The following DCC variants were observed in gnomAD, a reference collection of about 807,000 sequenced individuals.
The protein encoded by DCC is netrin receptor DCC.
A neutral mutation model predicts 172.5 loss-of-function variants in DCC; 58 were observed. That is an observed-to-expected ratio of 0.34 (90% CI 0.27 to 0.42). The LOEUF (loss-of-function observed/expected upper bound fraction) is 0.42. Among genes scored for constraint, DCC ranks in the 10% least tolerant of loss-of-function variants. The probability of loss-of-function intolerance (pLI) is 1.00; values close to 1 mark genes in which losing one functional copy is unlikely to be tolerated. For synonymous variants in DCC, 709 were observed against 644.5 expected (o/e 1.10, Z -1.52); for missense variants, 1,740 against 1,791.0 (o/e 0.97, Z 0.51).
At chr18:53,505,162 ATAGCAAAAG>A (rs2046156125) in intron 27 of DCC, 1 of 152,170 alleles carries the variant, frequency 6.6e-6, no homozygotes. Flanking sequence ...AGGAGATGTT[ATAGCAAAAG>A]TAGCAACTAG....
intron 2 of DCC, among the ~76,000 whole-genome samples, chr18:52,839,934 C>G (rs1382389570): frequency 6.6e-6 from 1 of 152,222 alleles, no homozygotes; most frequent in Non-Finnish European, 1.5e-5. Context: ...AAACATAGTT[C>G]ACTTCTTCCC....
intron 15 of DCC, among the ~76,000 whole-genome samples, chr18:53,368,193 A>T (rs896511309): frequency 2.0e-5 from 3 of 152,036 alleles, no homozygotes; most frequent in Non-Finnish European, 4.4e-5. Flanking sequence ...ATAATTAGGG[A>T]TGTTGAACTC....
chr18:52,399,266 T>C lies in DCC; in HGVS notation c.91+58388T>C, dbSNP rs543049664. On this transcript the variant is annotated intron_variant, in intron 1 of 28. Transcript: ENST00000442544. ...AAAAGTTGAGTATCAGGGACAGCTT[T>C]ACTGATGACAATCTAACTTCCTCCT... Among the ~76,000 whole-genome samples, 25 of 152,084 alleles carry C rather than the reference T, an allele frequency of 1.6e-4. No homozygotes were observed. The South Asian group carries it at 2.7e-3, about 16-fold the overall frequency.
At chr18:53,027,607 A>G (rs531519427) in intron 5 of DCC, among the ~76,000 whole-genome samples, 2 of 152,250 alleles carry the variant, frequency 1.3e-5, no homozygotes, top group Admixed American at 1.3e-4. Flanking sequence ...ACATTTCGGT[A>G]TGTCCATACT....
At chr18:53,002,846 C>T (rs1290476269) in intron 5 of DCC, among the ~76,000 whole-genome samples, 1 of 152,046 alleles carries the variant, frequency 6.6e-6, no homozygotes, top group African/African-American at 2.4e-5. Flanking sequence ...TATTCATAGG[C>T]AAGGCTGAAT....
At chr18:53,110,114 G>A (rs1568310488) in intron 7 of DCC, among the ~76,000 whole-genome samples, 1 of 151,546 alleles carries the variant, frequency 6.6e-6, no homozygotes, top group Non-Finnish European at 1.5e-5. Context: ...TACTTATGCA[G>A]AAGAGATGTC....
intron 1 of DCC, among the ~76,000 whole-genome samples, chr18:52,422,242 G>T (rs1017158067): frequency 2.0e-5 from 3 of 152,166 alleles, no homozygotes; most frequent in Admixed American, 6.5e-5. Flanking sequence ...CTAAGTGATT[G>T]ATTGGCAAAT....
chr18:52,936,512 A>G (rs1238755846), intron 5 of DCC, among the ~76,000 whole-genome samples: 1 of 121,944 alleles, frequency 8.2e-6, no homozygotes, highest in Non-Finnish European at 1.9e-5. Context: ...TATATTATTG[A>G]GATGATGATG....
intron 1 of DCC, among the ~76,000 whole-genome samples, chr18:52,711,148 C>T (rs1457065424): frequency 6.6e-6 from 1 of 152,154 alleles, no homozygotes; most frequent in Non-Finnish European, 1.5e-5. Flanking sequence ...TATTATCCTA[C>T]AGACCTATTT....
intron 5 of DCC, among the ~76,000 whole-genome samples, chr18:52,993,901 G>T (rs575708224): frequency 5.9e-4 from 90 of 151,960 alleles, no homozygotes; most frequent in African/African-American, 2.1e-3. Context: ...TAAGTAAGGA[G>T]TTTTCTTAGA....
At chr18:53,256,271 G>C (rs975718879) in intron 12 of DCC, among the ~76,000 whole-genome samples, 1 of 152,178 alleles carries the variant, frequency 6.6e-6, no homozygotes, top group Non-Finnish European at 1.5e-5. Flanking sequence ...TGGTGTTTTA[G>C]ACATGAAGTC....
intron 1 of DCC, among the ~76,000 whole-genome samples, chr18:52,448,946 AT>A (rs1395113855): frequency 1.3e-5 from 2 of 152,242 alleles, no homozygotes; most frequent in African/African-American, 4.8e-5. Flanking sequence ...TAGAGCTTTT[AT>A]TAGTTCATTC....
chr18:53,025,214 G>C (rs571289836), intron 5 of DCC, among the ~76,000 whole-genome samples: 1 of 152,212 alleles, frequency 6.6e-6, no homozygotes, highest in South Asian at 2.1e-4. Flanking sequence ...GTGAAAAATA[G>C]CTATTTAAAA....
In DCC at chr18:53,338,571, A is replaced by T. The variant is rs186444135; in HGVS notation, c.2165-1142A>T. 4.7e-4 allele frequency among the ~76,000 whole-genome samples: 71 copies of T among 152,350 alleles called. No individual in the cohort carries two copies. In the East Asian group the frequency reaches 0.012, roughly 26 times the overall value. ...AGCCGAGATCGTGCCACTGCACTCT[A>T]GCCTGGGCGACAGAGTGAGACTCCG... On this transcript the variant is annotated intron_variant, in intron 14 of 28. Transcript: ENST00000442544.
At chr18:52,929,696 A>T (rs17391190) in intron 5 of DCC, among the ~76,000 whole-genome samples, 21,057 of 152,064 alleles carry the variant, frequency 0.14, 1,581 homozygotes, top group Middle Eastern at 0.16. Flanking sequence ...AGAAAAATAA[A>T]TGTGGAGGTA....
At chr18:52,919,760 G>C (rs746879548) in intron 3 of DCC, among the ~76,000 whole-genome samples, 12 of 151,980 alleles carry the variant, frequency 7.9e-5, no homozygotes, top group Admixed American at 7.9e-4. Flanking sequence ...AAAGACAAGA[G>C]ACCCAGAATA....
At chr18:53,436,474 A>G (rs561811814) in intron 22 of DCC, among the ~76,000 whole-genome samples, 1 of 152,202 alleles carries the variant, frequency 6.6e-6, no homozygotes, top group Non-Finnish European at 1.5e-5. Flanking sequence ...CTGCATGTGA[A>G]ATAGAATAGT....
chr18:53,252,507 A>G (rs963536941), intron 12 of DCC, among the ~76,000 whole-genome samples: 2 of 151,998 alleles, frequency 1.3e-5, no homozygotes, highest in African/African-American at 4.8e-5. Context: ...TCAAACCCCA[A>G]AAGGCAATTT....
intron 1 of DCC, among the ~76,000 whole-genome samples, chr18:52,448,626 A>C (rs1449578139): frequency 6.6e-6 from 1 of 152,206 alleles, no homozygotes; most frequent in Non-Finnish European, 1.5e-5. Flanking sequence ...AGGGAGAGAC[A>C]GATGGAAAAA....
Sources: gnomAD v4.1 joint callset for allele counts (sites outside exome capture counted in the v4.1 genomes callset) on GRCh38, gnomAD v4.1.1 for gene constraint, MANE v1.5 for transcripts, NCBI Gene and HGNC (gene_info 2026-07-23, HGNC 2026-07-21) for gene names.